Variants in RELCH observed in about 807,000 individuals in gnomAD.
RELCH encodes RAB11-binding protein RELCH.
RELCH carries 41 observed loss-of-function variants against 150.3 expected under a neutral mutation model. That is an observed-to-expected ratio of 0.27 (90% confidence interval 0.21 to 0.35). The LOEUF (loss-of-function observed/expected upper bound fraction) is 0.35, where lower values mean the gene tolerates loss of function less well. RELCH is among the 10% of genes least tolerant of loss of function. RELCH has a pLI of 1.00. For synonymous variants in RELCH, 478 were observed against 531.8 expected, an observed-to-expected ratio of 0.90 and a Z score of 1.39; for missense variants, 1,092 against 1,467.8, an observed-to-expected ratio of 0.74 and a Z score of 4.18.
intron 18 of RELCH, 84 bp downstream of exon 18, chr18:62,264,936 C>A: frequency 4.6e-6 from 5 of 1,086,566 alleles, no homozygotes; most frequent in Non-Finnish European, 6.5e-6. Flanking sequence ...TAAATAAAAG[C>A]ATGAACCATT....
chr18:62,212,395 C>A lies in RELCH; in HGVS notation c.616+1153C>A, dbSNP rs182417075. Among the ~76,000 whole-genome samples the A allele has an allele frequency of 9.9e-5, 15 of 152,244 alleles. No individual in the cohort carries two copies. The East Asian group carries it at 2.7e-3, about 27-fold the overall frequency. On this transcript the variant is annotated intron_variant, in intron 2 of 28. Transcript: ENST00000644646. The stretch of plus-strand genomic sequence containing the variant: ...AGCTCCATCAAAATGGTAGGTACTT[C>A]TGGAACAAAAGGGATGCCACATGGG...
chr18:62,269,005 G>A (rs1284569320), intron 20 of RELCH, 57 bp downstream of exon 20: 1 of 816,838 alleles, frequency 1.2e-6, no homozygotes, highest in African/African-American at 1.8e-5. Flanking sequence ...AAAATGCCTA[G>A]TATTGTGTCT....
At chr18:62,292,977 T>G (rs144595301) in intron 27 of RELCH, among the ~76,000 whole-genome samples, 373 of 152,294 alleles carry the variant, frequency 2.4e-3, no homozygotes, top group Non-Finnish European at 3.7e-3. Context: ...CTTTACAAGT[T>G]TCTTACATAC....
At chr18:62,248,330 T>G (rs982377843) in intron 11 of RELCH, among the ~76,000 whole-genome samples, 1 of 152,196 alleles carries the variant, frequency 6.6e-6, no homozygotes, top group African/African-American at 2.4e-5. Context: ...TTAATAATCC[T>G]CAGAAAGTTG....
At chr18:62,274,113 TA>T in intron 21 of RELCH, 27 bp downstream of exon 21, 1 of 1,440,910 alleles carries the variant, frequency 6.9e-7, no homozygotes, top group Non-Finnish European at 9.7e-7. Flanking sequence ...TATAGTTTGC[TA>T]AAAGGCATAT....
intron 8 of RELCH, 60 bp from the exon 9 acceptor site, chr18:62,231,134 C>A (rs2041540513): frequency 2.7e-6 from 3 of 1,121,024 alleles, no homozygotes; most frequent in Admixed American, 1.8e-5. Flanking sequence ...ACTTAAATTT[C>A]TCCTTAAATG....
chr18:62,189,794 T>TA (rs1204685545), intron 1 of RELCH, among the ~76,000 whole-genome samples: 7 of 152,364 alleles, frequency 4.6e-5, no homozygotes, highest in African/African-American at 1.7e-4. Flanking sequence ...AGTAAAACCT[T>TA]ACTTCTAAGT....
chr18:62,228,637 C>A, intron 8 of RELCH, 39 bp downstream of exon 8: 1 of 1,466,790 alleles, frequency 6.8e-7, no homozygotes, highest in Non-Finnish European at 9.3e-7. Flanking sequence ...CATCTTTCAG[C>A]TATTTAGTAC....
Position 62,307,164 on chromosome 18 carries a change from A to G in RELCH, c.*1630A>G, listed in dbSNP as rs1220238165. 1.3e-5 allele frequency: 2 copies of G among 152,158 alleles called. No homozygotes were observed. Among genetic ancestry groups the G allele is most frequent in the Non-Finnish European group, 2.9e-5 (2 of 68,012 alleles). The allele number at this position is 152,158 out of a possible 1,614,324, so 9.4% of individuals were successfully genotyped here. ...CATTTTACTTTCGTTTTGAAACACTATACTTTCTATTAAGCAAAAAAATGA... is the reference window on the plus strand; with the variant it reads ...CATTTTACTTTCGTTTTGAAACACTGTACTTTCTATTAAGCAAAAAAATGA... On this transcript the variant is annotated 3_prime_UTR_variant, in exon 29 of 29. Coordinates refer to ENST00000644646, the MANE Select transcript of RELCH (RefSeq NM_001346231.2).
intron 1 of RELCH, among the ~76,000 whole-genome samples, chr18:62,197,974 A>G (rs533100084): frequency 3.3e-5 from 5 of 152,312 alleles, no homozygotes; most frequent in Admixed American, 6.5e-5. Flanking sequence ...GCCACTTACT[A>G]GCTCTTTCAG....
At chr18:62,231,709 T>G (rs370866071) in intron 9 of RELCH, among the ~76,000 whole-genome samples, 2 of 152,042 alleles carry the variant, frequency 1.3e-5, no homozygotes, top group East Asian at 1.9e-4. Flanking sequence ...TTTTTGCAGA[T>G]TAGTCTTGAG....
intron 5 of RELCH, among the ~76,000 whole-genome samples, chr18:62,224,719 TTAA>T (rs1183788026): frequency 6.6e-6 from 1 of 152,128 alleles, no homozygotes; most frequent in Non-Finnish European, 1.5e-5. Flanking sequence ...TGAAAGCTAC[TTAA>T]CATTGAGATA....
chr18:62,236,533 CTTAATCA>C (rs2041890006), intron 10 of RELCH, among the ~76,000 whole-genome samples: 1 of 151,800 alleles, frequency 6.6e-6, no homozygotes, highest in African/African-American at 2.4e-5. Context: ...GGATTTTCTA[CTTAATCA>C]GTTTGGTGAT....
chr18:62,243,843 C>G (rs535474136), intron 10 of RELCH, among the ~76,000 whole-genome samples: 1 of 151,960 alleles, frequency 6.6e-6, no homozygotes, highest in South Asian at 2.1e-4. Flanking sequence ...CGGTGAGTAT[C>G]AAGACAGATG....
chr18:62,221,913 A>G (rs1308006564), intron 5 of RELCH, among the ~76,000 whole-genome samples: 1 of 151,990 alleles, frequency 6.6e-6, no homozygotes, highest in African/African-American at 2.4e-5. Context: ...TTAAGAGAGT[A>G]TATTGTAAAT....
At chr18:62,240,909 T>G (rs147209196) in intron 10 of RELCH, among the ~76,000 whole-genome samples, 150 of 151,462 alleles carry the variant, frequency 9.9e-4, no homozygotes, top group Middle Eastern at 6.8e-3. Context: ...GGAGGGGGAG[T>G]TGGGCTGGCG....
chr18:62,246,652 A>C (rs1259753912), intron 11 of RELCH: 1 of 152,212 alleles, frequency 6.6e-6, no homozygotes, highest in Non-Finnish European at 1.5e-5. Context: ...TGTAGTTTTC[A>C]CTTTGAGAAA....
intron 28 of RELCH, among the ~76,000 whole-genome samples, chr18:62,304,746 GA>G (rs1231627889): frequency 6.6e-6 from 1 of 152,150 alleles, no homozygotes; most frequent in East Asian, 1.9e-4. Context: ...GCAATCTTTA[GA>G]GGTCATTTAG....
intron 15 of RELCH, among the ~76,000 whole-genome samples, chr18:62,259,084 A>G (rs1305131955): frequency 6.6e-6 from 1 of 152,042 alleles, no homozygotes; most frequent in African/African-American, 2.4e-5. Context: ...ATTCCACTCC[A>G]GTAGTTCATT....
Sources: allele counts gnomAD v4.1 joint callset (sites outside exome capture counted in the v4.1 genomes callset), GRCh38; gene constraint gnomAD v4.1.1; transcripts MANE v1.5; gene names NCBI Gene and HGNC (gene_info 2026-07-23, HGNC 2026-07-21).